NKAIN3: variants seen among roughly 807,000 people sequenced by gnomAD.
The protein encoded by NKAIN3 is sodium/potassium-transporting ATPase subunit beta-1-interacting protein 3.
In NKAIN3, 25 loss-of-function variants were observed where a neutral mutation model predicts 30.2. The ratio of observed to expected loss-of-function variants is 0.83; its 90% CI spans 0.60 to 1.16. NKAIN3 has a LOEUF of 1.16. NKAIN3 is among the 50% of genes most tolerant of loss of function. The probability of loss-of-function intolerance (pLI) is 0.00; values close to 1 mark genes in which losing one functional copy is unlikely to be tolerated. For synonymous variants in NKAIN3, 91 were observed against 89.6 expected (o/e 1.02, Z -0.09); for missense variants, 225 against 254.1 (o/e 0.89, Z 0.78).
chr8:62,319,211 T>G (rs1217605459), intron 1 of NKAIN3, among the ~76,000 whole-genome samples: 4 of 152,024 alleles, frequency 2.6e-5, no homozygotes, highest in Admixed American at 2.0e-4. Context: ...GCGTCTATTT[T>G]ATTCTTCTCT....
intron 4 of NKAIN3, among the ~76,000 whole-genome samples, chr8:62,900,108 T>C (rs1821562178): frequency 6.6e-6 from 1 of 151,906 alleles, no homozygotes; most frequent in African/African-American, 2.4e-5. Flanking sequence ...CATATTATTA[T>C]GAAAAATTGA....
chr8:62,394,934 C>G (rs1215129907), intron 1 of NKAIN3, among the ~76,000 whole-genome samples: 2 of 149,960 alleles, frequency 1.3e-5, no homozygotes, highest in African/African-American at 4.9e-5. Context: ...CATCACTTCT[C>G]AGATGGTGGG....
chr8:62,951,227 G>A (rs1823277501), intron 5 of NKAIN3, among the ~76,000 whole-genome samples: 1 of 151,770 alleles, frequency 6.6e-6, no homozygotes, highest in South Asian at 2.1e-4. Context: ...CAGCTGGTAG[G>A]GTCAGTGGAG....
At chr8:62,363,970 G>T (rs1279823713) in intron 1 of NKAIN3, among the ~76,000 whole-genome samples, 2 of 152,156 alleles carry the variant, frequency 1.3e-5, no homozygotes, top group Admixed American at 6.5e-5. Context: ...TTTCAAAAAC[G>T]ATGTGGAAGG....
At chr8:62,272,496 T>C (rs1016365591) in intron 1 of NKAIN3, among the ~76,000 whole-genome samples, 1 of 152,196 alleles carries the variant, frequency 6.6e-6, no homozygotes, top group Non-Finnish European at 1.5e-5. Context: ...AAGTCCTCAT[T>C]TCTCAAGTAA....
In NKAIN3 at chr8:62,969,180, G is replaced by GA. The variant is rs915314739; in HGVS notation, c.*3778dup. On this transcript the variant is annotated 3_prime_UTR_variant, in exon 7 of 7. Coordinates refer to ENST00000623646, the MANE Select transcript of NKAIN3 (RefSeq NM_001304533.3). ...ATTGACTTCTTTGATTTTTCCTTCA[G>GA]AAAAATAAGCCCTGTTATTCCTATA... is the stretch of plus-strand genomic sequence containing the variant. 6.6e-6 allele frequency among the ~76,000 whole-genome samples: 1 copy of GA among 152,154 alleles called. No homozygotes were observed. Among genetic ancestry groups the GA allele is most frequent in the Non-Finnish European group, 1.5e-5 (1 of 68,020 alleles).
chr8:62,455,494 T>C (rs1396326224), intron 1 of NKAIN3, among the ~76,000 whole-genome samples: 1 of 152,062 alleles, frequency 6.6e-6, no homozygotes, highest in East Asian at 1.9e-4. Flanking sequence ...AAGATGGCAA[T>C]GATAGATACT....
intron 3 of NKAIN3, among the ~76,000 whole-genome samples, chr8:62,655,643 T>C (rs1009294176): frequency 2.0e-5 from 3 of 152,156 alleles, no homozygotes; most frequent in African/African-American, 7.2e-5. Flanking sequence ...TGATAGTCTA[T>C]CTGCTAATAT....
rs1048876327 is a variant in NKAIN3 at position 62,787,730 on chromosome 8, C to T, written c.471+40601C>T. Among the ~76,000 whole-genome samples the T allele has an allele frequency of 2.4e-4, 37 of 152,178 alleles. 1 individual carries two copies. Among genetic ancestry groups the T allele is most frequent in the African/African-American group, 8.9e-4 (37 of 41,526 alleles). On this transcript the variant is annotated intron_variant, in intron 4 of 6. Coordinates refer to ENST00000623646, the MANE Select transcript of NKAIN3 (RefSeq NM_001304533.3). ...GTGTGTGATGTTCCCCTTCCTGTGT[C>T]CATGTGTTCTCATTGTTCAATTCCC...
intron 3 of NKAIN3, among the ~76,000 whole-genome samples, chr8:62,606,945 C>T (rs745562308): frequency 7.9e-5 from 12 of 152,054 alleles, no homozygotes; most frequent in Non-Finnish European, 1.5e-4. Context: ...TGCTGCATGC[C>T]AAGAGCATTA....
intron 1 of NKAIN3, among the ~76,000 whole-genome samples, chr8:62,322,263 C>G (rs1003557171): frequency 6.6e-6 from 1 of 152,126 alleles, no homozygotes. Flanking sequence ...ATTCCGTGAC[C>G]CTTTGTGTTT....
rs1208801235 is a variant in NKAIN3, at chr8:62,992,051, CT to C, written c.533-7177del. Among the ~76,000 whole-genome samples the C allele has an allele frequency of 2.6e-5, 4 of 151,406 alleles. No homozygotes were observed. The South Asian group carries it at 8.3e-4, about 32-fold the overall frequency. ...TTTTTTTCTTTTAGACAGAGTCTCGCTTTGTCGTCCAGGCTGCAGTGCAGTG... is the reference window on the plus strand; with the variant it reads ...TTTTTTTCTTTTAGACAGAGTCTCGCTTGTCGTCCAGGCTGCAGTGCAGTG... On this transcript the variant is annotated intron_variant, in intron 5 of 5. Coordinates refer to the NKAIN3 transcript ENST00000519049.
chr8:62,822,877 T>A (rs1010480405), intron 4 of NKAIN3, among the ~76,000 whole-genome samples: 1 of 152,202 alleles, frequency 6.6e-6, no homozygotes, highest in African/African-American at 2.4e-5. Context: ...TTCTACACAC[T>A]TAGGTTATAT....
At chr8:62,362,516 G>A (rs6472010) in intron 1 of NKAIN3, among the ~76,000 whole-genome samples, 147,597 of 152,266 alleles carry the variant, frequency 0.97, 71,594 homozygotes, top group East Asian at 1. Context: ...AAACCCATGA[G>A]ACATTGGAAA....
At chr8:62,355,916 CTG>C in intron 1 of NKAIN3, among the ~76,000 whole-genome samples, 1 of 152,162 alleles carries the variant, frequency 6.6e-6, no homozygotes, top group South Asian at 2.1e-4. Flanking sequence ...GTTTTTACAT[CTG>C]TGTTGTGAAT....
chr8:62,894,979 C>A (rs1386177342), intron 4 of NKAIN3, among the ~76,000 whole-genome samples: 3 of 152,110 alleles, frequency 2.0e-5, no homozygotes, highest in African/African-American at 7.2e-5. Flanking sequence ...CTTGAAAATC[C>A]CACATCACAT....
intron 1 of NKAIN3, among the ~76,000 whole-genome samples, chr8:62,540,298 C>T (rs1808798155): frequency 6.6e-6 from 1 of 152,116 alleles, no homozygotes; most frequent in African/African-American, 2.4e-5. Context: ...AGAGATTTAA[C>T]ATTTTTCGCT....
intron 1 of NKAIN3, among the ~76,000 whole-genome samples, chr8:62,400,183 T>G (rs1817892230): frequency 6.7e-6 from 1 of 148,682 alleles, no homozygotes; most frequent in East Asian, 2.0e-4. Context: ...TTTTTTTTTT[T>G]GAGACAGAGT....
At chr8:62,341,527 C>T (rs1678281893) in intron 1 of NKAIN3, among the ~76,000 whole-genome samples, 1 of 151,944 alleles carries the variant, frequency 6.6e-6, no homozygotes, top group Admixed American at 6.6e-5. Flanking sequence ...GTTAGAGCAT[C>T]AAAAGCAATT....
Sources: gnomAD v4.1 joint callset for allele counts (sites outside exome capture counted in the v4.1 genomes callset) on GRCh38, gnomAD v4.1.1 for gene constraint, MANE v1.5 for transcripts, NCBI Gene and HGNC (gene_info 2026-07-23, HGNC 2026-07-21) for gene names.